Variants in FAM135A observed in about 807,000 individuals in gnomAD.
FAM135A encodes the protein family with sequence similarity 135 member A.
Under a neutral mutation model 146.8 loss-of-function variants are expected in FAM135A, and 79 were observed. The observed-to-expected ratio is 0.54, with a 90% CI of 0.45 to 0.65. FAM135A has a LOEUF of 0.65. Ranked by LOEUF, FAM135A falls within the 30% of genes least tolerant of loss-of-function variation. FAM135A has a pLI of 0.00. For synonymous variants in FAM135A, 562 were observed against 603.6 expected (o/e 0.93, Z 1.01); for missense variants, 1,623 against 1,758.2 (o/e 0.92, Z 1.38).
intron 12 of FAM135A, among the ~76,000 whole-genome samples, chr6:70,510,479 C>T (rs1790743479): frequency 6.6e-6 from 1 of 151,970 alleles, no homozygotes; most frequent in Non-Finnish European, 1.5e-5. Context: ...CCCTGGCAAC[C>T]GCTAGTCTCA....
chr6:70,559,659 TTTTTA>T (rs1302830579), intron 21 of FAM135A, 52 bp from the exon 22 acceptor site: 2 of 1,404,326 alleles, frequency 1.4e-6, no homozygotes, highest in Admixed American at 2.3e-5. Context: ...TGGCATAGTT[TTTTTA>T]TTTTCAGTTA....
intron 4 of FAM135A, among the ~76,000 whole-genome samples, chr6:70,448,130 C>T (rs374607159): frequency 3.3e-5 from 5 of 152,098 alleles, no homozygotes; most frequent in South Asian, 2.1e-4. Flanking sequence ...TTATTCAAGG[C>T]GCTGCTTGAA....
chr6:70,428,957 C>T (rs911358039), intron 4 of FAM135A, among the ~76,000 whole-genome samples: 1 of 152,020 alleles, frequency 6.6e-6, no homozygotes, highest in African/African-American at 2.4e-5. Context: ...TCAATGGTAC[C>T]TATAAAGCAA....
intron 5 of FAM135A, among the ~76,000 whole-genome samples, chr6:70,473,465 G>C (rs976780032): frequency 2.7e-4 from 41 of 152,150 alleles, no homozygotes; most frequent in Non-Finnish European, 5.0e-4. Flanking sequence ...GTTCATATCA[G>C]TACTCTCAGT....
chr6:70,421,586 G>A (rs939609303), intron 2 of FAM135A, among the ~76,000 whole-genome samples: 2 of 152,170 alleles, frequency 1.3e-5, no homozygotes, highest in Non-Finnish European at 2.9e-5. Flanking sequence ...GGCTTTTCAC[G>A]TAAGTTTCTC....
At chr6:70,543,094 A>T (rs1368912928) in intron 20 of FAM135A, among the ~76,000 whole-genome samples, 1 of 152,160 alleles carries the variant, frequency 6.6e-6, no homozygotes, top group Non-Finnish European at 1.5e-5. Context: ...GTGTACACCG[A>T]TTGAATTAAC....
intron 4 of FAM135A, among the ~76,000 whole-genome samples, chr6:70,437,247 A>G (rs1031713220): frequency 6.6e-6 from 1 of 152,136 alleles, no homozygotes; most frequent in Non-Finnish European, 1.5e-5. Context: ...AAATAACAAT[A>G]TGTATACTCA....
rs73485130 is a variant in FAM135A at position 70,515,880 on chromosome 6, G to A, written c.1030-6633G>A. On this transcript the variant is annotated intron_variant, in intron 12 of 21. Coordinates refer to ENST00000418814, the MANE Select transcript of FAM135A (RefSeq NM_001162529.3). ...GAAGAGGGCAATATGGAAACTCTTC[G>A]TACTTTCTGATCAGTTTTTCTGTAA... Among the ~76,000 whole-genome samples, 628 of 152,004 alleles carry A rather than the reference G, an allele frequency of 4.1e-3. 3 individuals carry two copies. Among genetic ancestry groups the A allele is most frequent in the African/African-American group, 0.015 (604 of 41,466 alleles).
chr6:70,465,614 A>G (rs560003588), intron 5 of FAM135A, among the ~76,000 whole-genome samples: 1 of 152,182 alleles, frequency 6.6e-6, no homozygotes, highest in African/African-American at 2.4e-5. Context: ...TCCTGGACTC[A>G]ACTGTTCCTC....
intron 5 of FAM135A, among the ~76,000 whole-genome samples, chr6:70,466,784 T>C (rs778950661): frequency 3.3e-5 from 5 of 152,178 alleles, no homozygotes; most frequent in Non-Finnish European, 1.5e-5. Flanking sequence ...GAAACTTCAT[T>C]AGTACACCTT....
At chr6:70,436,008 A>AC (rs1329240880) in intron 4 of FAM135A, among the ~76,000 whole-genome samples, 1 of 152,064 alleles carries the variant, frequency 6.6e-6, no homozygotes, top group Non-Finnish European at 1.5e-5. Context: ...ACATGGTGAA[A>AC]CCCTGTCTCT....
At chr6:70,511,431 A>G (rs1037717577) in intron 12 of FAM135A, among the ~76,000 whole-genome samples, 1 of 152,058 alleles carries the variant, frequency 6.6e-6, no homozygotes, top group South Asian at 2.1e-4. Flanking sequence ...CTACTAATAC[A>G]GTTTTCTTGG....
rs200131438 is a variant in FAM135A at position 70,509,054 on chromosome 6, C to CA, written c.1029+6271dup. Among the ~76,000 whole-genome samples, 1,009 of 151,722 alleles carry CA rather than the reference C, an allele frequency of 6.7e-3. 3 individuals carry two copies. The highest frequency in any genetic ancestry group is 1.0e-2 in the Non-Finnish European group (678 of 67,872). On this transcript the variant is annotated intron_variant, in intron 12 of 21. Transcript: ENST00000418814. ...TGTTATTTATGGTTCTAACCTAGAGCAAAAAAAATCCAAGTTGATATGGTG... is the reference window on the plus strand; with the variant it reads ...TGTTATTTATGGTTCTAACCTAGAGCAAAAAAAAATCCAAGTTGATATGGTG...
intron 1 of FAM135A, chr6:70,414,153 C>A: frequency 1.7e-6 from 1 of 590,580 alleles, no homozygotes; most frequent in Non-Finnish European, 2.1e-6. Flanking sequence ...TATCTCTGTG[C>A]TTCCATCCCT....
At chr6:70,450,522 CTG>C (rs1776783955) in intron 4 of FAM135A, among the ~76,000 whole-genome samples, 1 of 151,942 alleles carries the variant, frequency 6.6e-6, no homozygotes, top group African/African-American at 2.4e-5. Context: ...ATTGAAGAAA[CTG>C]TCCTTTCTTC....
At chr6:70,467,945 A>G (rs1780797459) in intron 5 of FAM135A, among the ~76,000 whole-genome samples, 3 of 152,092 alleles carry the variant, frequency 2.0e-5, no homozygotes, top group African/African-American at 7.2e-5. Flanking sequence ...TCCTTCTGAT[A>G]TTTGATAGGC....
chr6:70,469,177 A>C (rs1334665081), intron 5 of FAM135A, among the ~76,000 whole-genome samples: 3 of 152,114 alleles, frequency 2.0e-5, no homozygotes, highest in African/African-American at 7.2e-5. Context: ...GGAGATTTTT[A>C]TCTCTTTCAT....
intron 2 of FAM135A, among the ~76,000 whole-genome samples, chr6:70,419,296 G>A (rs1768238923): frequency 6.6e-6 from 1 of 152,176 alleles, no homozygotes; most frequent in South Asian, 2.1e-4. Context: ...GCGCACGCCT[G>A]TAGTCCCAGC....
chr6:70,525,811 A>G lies in FAM135A; in HGVS notation c.2727A>G (p.Ala909=). 1.2e-6 allele frequency: 2 copies of G among 1,612,940 alleles called. No homozygotes were observed. Among genetic ancestry groups the G allele is most frequent in the South Asian group, 1.1e-5 (1 of 90,894 alleles). The change falls in exon 15 of 22, where the codon GCA becomes GCG. Residue 909 remains alanine, a synonymous_variant. Coordinates refer to ENST00000418814, the MANE Select transcript of FAM135A (RefSeq NM_001162529.3). Reference sequence around the variant, plus strand: ...GGAACTTGGACAATGAAACTGTAGCAATACATTCCTTAAATTCAAGCATTA... The same window carrying G: ...GGAACTTGGACAATGAAACTGTAGCGATACATTCCTTAAATTCAAGCATTA... The part of the protein sequence containing the change: ...FSGNLDNETV[A]IHSLNSSIKD...
Sources: allele counts gnomAD v4.1 joint callset (sites outside exome capture counted in the v4.1 genomes callset), GRCh38; gene constraint gnomAD v4.1.1; transcripts MANE v1.5; gene names NCBI Gene and HGNC (gene_info 2026-07-23, HGNC 2026-07-21).